CCSER1: variants seen among roughly 807,000 people sequenced by gnomAD.
The protein encoded by CCSER1 is serine-rich coiled-coil domain-containing protein 1.
A neutral mutation model predicts 82.0 loss-of-function variants in CCSER1; 41 were observed. The ratio of observed to expected loss-of-function variants is 0.50; its 90% CI spans 0.39 to 0.65. The LOEUF (loss-of-function observed/expected upper bound fraction) is 0.65. Among genes scored for constraint, CCSER1 ranks in the 30% least tolerant of loss-of-function variants. The pLI is 0.00. For missense variants in CCSER1, 1,119 were observed against 1,064.2 expected, an observed-to-expected ratio of 1.05 and a Z score of -0.72; for synonymous variants, 414 against 383.9, an observed-to-expected ratio of 1.08 and a Z score of -0.92.
At chr4:91,172,673 G>A (rs7699169) in intron 10 of CCSER1, among the ~76,000 whole-genome samples, 108,258 of 152,012 alleles carry the variant, frequency 0.71, 38,992 homozygotes, top group Non-Finnish European at 0.78. Context: ...ACGCGAGGCA[G>A]AAGCAATATT....
At chr4:91,017,811 T>TTGTGTGTG (rs34719158) in intron 9 of CCSER1, among the ~76,000 whole-genome samples, 3 of 143,910 alleles carry the variant, frequency 2.1e-5, no homozygotes, top group African/African-American at 7.5e-5. Flanking sequence ...GGTTTTTAAA[T>TTGTGTGTG]TGTGTGTGTG....
chr4:90,879,702 G>A (rs1451995102), intron 8 of CCSER1, among the ~76,000 whole-genome samples: 6 of 151,926 alleles, frequency 3.9e-5, no homozygotes, highest in African/African-American at 1.5e-4. Flanking sequence ...AGAAGAAGAG[G>A]AAGAAAGAAG....
chr4:90,631,461 T>G (rs2148932694), intron 6 of CCSER1, among the ~76,000 whole-genome samples: 1 of 152,326 alleles, frequency 6.6e-6, no homozygotes, highest in East Asian at 1.9e-4. Context: ...TTGTTGTTTT[T>G]GAGGGAACAT....
At chr4:90,658,933 G>A (rs1180081089) in intron 6 of CCSER1, among the ~76,000 whole-genome samples, 1 of 152,084 alleles carries the variant, frequency 6.6e-6, no homozygotes, top group East Asian at 1.9e-4. Context: ...CCATATTAAA[G>A]AGATCTCAGT....
At chr4:90,791,330 A>T (rs1755204196) in intron 7 of CCSER1, among the ~76,000 whole-genome samples, 2 of 152,174 alleles carry the variant, frequency 1.3e-5, no homozygotes, top group African/African-American at 4.8e-5. Context: ...ATCAAACCAC[A>T]TTGCATGCTG....
intron 1 of CCSER1, among the ~76,000 whole-genome samples, chr4:90,222,793 T>G (rs1742390228): frequency 6.6e-6 from 1 of 152,234 alleles, no homozygotes; most frequent in Non-Finnish European, 1.5e-5. Context: ...TGAAAATTTA[T>G]TGAGTAAATT....
chr4:90,629,946 A>G (rs575352592), intron 6 of CCSER1, among the ~76,000 whole-genome samples: 48 of 152,332 alleles, frequency 3.2e-4, no homozygotes, highest in African/African-American at 1.1e-3. Flanking sequence ...ACATGGTGGA[A>G]GTACTATATA....
chr4:90,563,466 C>T (rs536992151), intron 5 of CCSER1, among the ~76,000 whole-genome samples: 1 of 152,178 alleles, frequency 6.6e-6, no homozygotes, highest in South Asian at 2.1e-4. Flanking sequence ...ACCACTCCTG[C>T]CCTTGATAAC....
chr4:90,787,972 C>G (rs920826388), intron 7 of CCSER1, among the ~76,000 whole-genome samples: 23 of 152,260 alleles, frequency 1.5e-4, no homozygotes, highest in African/African-American at 5.3e-4. Flanking sequence ...CATACACTGA[C>G]TTAAGTAGGC....
chr4:91,381,527 T>C (rs1750892277), intron 10 of CCSER1, among the ~76,000 whole-genome samples: 1 of 152,244 alleles, frequency 6.6e-6, no homozygotes, highest in Non-Finnish European at 1.5e-5. Flanking sequence ...TTCTTCCCAT[T>C]GATCAAATCG....
chr4:91,029,128 A>G (rs1740747386), intron 9 of CCSER1, among the ~76,000 whole-genome samples: 1 of 152,052 alleles, frequency 6.6e-6, no homozygotes, highest in Non-Finnish European at 1.5e-5. Context: ...TAGAAATCAA[A>G]TGAAATGACT....
intron 10 of CCSER1, among the ~76,000 whole-genome samples, chr4:91,289,621 T>G (rs936286904): frequency 2.0e-5 from 3 of 151,894 alleles, no homozygotes; most frequent in African/African-American, 7.3e-5. Context: ...GAGAGAATTA[T>G]GAACTTGAAG....
chr4:90,687,330 G>T (rs1471635835), intron 6 of CCSER1, among the ~76,000 whole-genome samples: 1 of 151,472 alleles, frequency 6.6e-6, no homozygotes, highest in Non-Finnish European at 1.5e-5. Flanking sequence ...CTCATCTTTT[G>T]TTTCTGGAAA....
intron 10 of CCSER1, among the ~76,000 whole-genome samples, chr4:91,195,258 G>A (rs920408535): frequency 1.3e-5 from 2 of 152,156 alleles, no homozygotes; most frequent in East Asian, 3.9e-4. Flanking sequence ...GCATGGGGAG[G>A]CAGCTATCAT....
At chr4:90,764,903 A>T (rs139911496) in intron 7 of CCSER1, among the ~76,000 whole-genome samples, 63 of 152,222 alleles carry the variant, frequency 4.1e-4, no homozygotes, top group African/African-American at 1.3e-3. Context: ...TTTACTGTTA[A>T]ACAATATATA....
intron 7 of CCSER1, among the ~76,000 whole-genome samples, chr4:90,757,957 AGATG>A (rs1431913418): frequency 7.9e-6 from 1 of 126,524 alleles, no homozygotes; most frequent in African/African-American, 3.0e-5. Context: ...TTTTCTTTTG[AGATG>A]GAGTTTCACT....
chr4:91,354,715 G>A (rs1748706199), intron 10 of CCSER1, among the ~76,000 whole-genome samples: 1 of 152,176 alleles, frequency 6.6e-6, no homozygotes, highest in Non-Finnish European at 1.5e-5. Flanking sequence ...AATTCATCAG[G>A]AACTGGATCT....
rs190153298 is a variant in CCSER1, at chr4:90,734,276, C to T, written c.2010+10285C>T. Among the ~76,000 whole-genome samples, 17 of 152,082 alleles carry T rather than the reference C, an allele frequency of 1.1e-4. No individual in the cohort carries two copies. The East Asian group carries it at 3.3e-3, about 30-fold the overall frequency. On this transcript the variant is annotated intron_variant, in intron 7 of 10. Coordinates refer to ENST00000509176, the MANE Select transcript of CCSER1 (RefSeq NM_001145065.2). ...AAGTAGCTGGGACTACAGGCTCCCA[C>T]CACCACGCCCGGCTAATTTTTTGTA...
intron 1 of CCSER1, among the ~76,000 whole-genome samples, chr4:90,136,940 C>T (rs1266191374): frequency 2.0e-5 from 3 of 152,100 alleles, no homozygotes; most frequent in African/African-American, 7.2e-5. Context: ...TTAAGAATAA[C>T]TTATTTCAGG....
Sources: allele counts gnomAD v4.1 joint callset (sites outside exome capture counted in the v4.1 genomes callset), GRCh38; gene constraint gnomAD v4.1.1; transcripts MANE v1.5; gene names NCBI Gene and HGNC (gene_info 2026-07-23, HGNC 2026-07-21).